The following RSF1 variants were observed in gnomAD, a reference collection of about 807,000 sequenced individuals.
RSF1 encodes the protein remodeling and spacing factor 1.
Under a neutral mutation model 145.2 loss-of-function variants are expected in RSF1, and 13 were observed. That is an observed-to-expected ratio of 0.09 (90% CI 0.06 to 0.14). The LOEUF (loss-of-function observed/expected upper bound fraction) is 0.14, where lower values mean the gene tolerates loss of function less well. Among genes scored for constraint, RSF1 ranks in the 10% least tolerant of loss-of-function variants. The pLI is 1.00. For synonymous variants in RSF1, 577 were observed against 592.6 expected (o/e 0.97, Z 0.38); for missense variants, 1,517 against 1,718.2 (o/e 0.88, Z 2.07).
intron 2 of RSF1, among the ~76,000 whole-genome samples, chr11:77,752,756 A>T (rs1294356200): frequency 2.0e-5 from 3 of 152,144 alleles, no homozygotes; most frequent in Non-Finnish European, 4.4e-5. Flanking sequence ...GTAACATAAG[A>T]CTGAGACCTA....
At chr11:77,861,040 G>A in the RSF1 span, among the ~76,000 whole-genome samples, 4 of 152,074 alleles carry the variant, frequency 2.6e-5, no homozygotes, top group Non-Finnish European at 4.4e-5. Context: ...GGGTCTAAGC[G>A]GGTATTGCCT....
chr11:77,727,464 C>T (rs866788182), intron 4 of RSF1, among the ~76,000 whole-genome samples: 1 of 142,116 alleles, frequency 7.0e-6, no homozygotes, highest in South Asian at 2.1e-4. Flanking sequence ...ATTTCAATTA[C>T]TTCCACTACT....
intron 5 of RSF1, among the ~76,000 whole-genome samples, chr11:77,720,176 G>C (rs898269886): frequency 1.4e-4 from 22 of 152,130 alleles, no homozygotes; most frequent in African/African-American, 5.3e-4. Context: ...GCCAAATTAG[G>C]TCTGTGAGCT....
chr11:77,687,438 A>G (rs373382165), intron 9 of RSF1, among the ~76,000 whole-genome samples: 2 of 151,984 alleles, frequency 1.3e-5, no homozygotes, highest in Non-Finnish European at 2.9e-5. Flanking sequence ...GTAAACCCAT[A>G]ATTTTGGGAG....
the RSF1 span, among the ~76,000 whole-genome samples, chr11:77,857,862 A>G: frequency 6.6e-6 from 1 of 151,834 alleles, no homozygotes; most frequent in Non-Finnish European, 1.5e-5. Context: ...ATGCCCTGCT[A>G]ATTTTTGTAT....
chr11:77,814,303 G>A (rs1304032966), intron 1 of RSF1, among the ~76,000 whole-genome samples: 1 of 151,980 alleles, frequency 6.6e-6, no homozygotes, highest in Non-Finnish European at 1.5e-5. Flanking sequence ...TTCAAGACCA[G>A]CCTGGACAAT....
chr11:77,777,826 C>A (rs1352430149), intron 1 of RSF1, among the ~76,000 whole-genome samples: 1 of 151,560 alleles, frequency 6.6e-6, no homozygotes, highest in East Asian at 2.0e-4. Context: ...CTCAAACAAA[C>A]AAACAAATGA....
At chr11:77,870,162 C>T in the RSF1 span, 1 of 151,698 alleles carries the variant, frequency 6.6e-6, no homozygotes. Context: ...GTTTTCCCCT[C>T]TTCAGAAAAA....
Position 77,681,583 on chromosome 11 carries a change from T to G in RSF1, c.3065+2127A>C, listed in dbSNP as rs1959863604. Among the ~76,000 whole-genome samples the G allele has an allele frequency of 2.0e-5, 3 of 152,176 alleles. 1 individual carries two copies. The highest frequency in any genetic ancestry group is 2.0e-4 in the Admixed American group (3 of 15,268). On this transcript the variant is annotated intron_variant, in intron 11 of 15. Coordinates refer to ENST00000308488, the MANE Select transcript of RSF1 (RefSeq NM_016578.4). ...GTGTAAGCCACCATGCCCAGCCAATTTATGTGCAATTTCATTTGTGAGAAA... is the reference window on the plus strand; with the variant it reads ...GTGTAAGCCACCATGCCCAGCCAATGTATGTGCAATTTCATTTGTGAGAAA...
chr11:77,737,621 G>GGGTGTGTGTGTGTGTGTGTGTGTGTGT (rs1491534916), intron 4 of RSF1, among the ~76,000 whole-genome samples: 1 of 93,548 alleles, frequency 1.1e-5, no homozygotes, highest in Admixed American at 1.2e-4. Context: ...TGTTTTGGGG[G>GGGTGTGTGTGTGTGTGTGTGTGTGTGT]GTGTGTGTGT....
In RSF1 at chr11:77,664,936, A is replaced by G. The variant is rs1959324391; in HGVS notation, c.*1981T>C. 1 of 152,204 alleles carries G rather than the reference A, an allele frequency of 6.6e-6. No homozygotes were observed. Among genetic ancestry groups the G allele is most frequent in the Non-Finnish European group, 1.5e-5 (1 of 68,038 alleles). 9.4% of individuals were successfully genotyped at this position (152,204 alleles called of 1,614,324 possible). ...AAAATCACAACTTACTTGGAACCACATGCTATTGGTGCATCCTATTTTTAG... is the reference window on the plus strand; with the variant it reads ...AAAATCACAACTTACTTGGAACCACGTGCTATTGGTGCATCCTATTTTTAG... On this transcript the variant is annotated 3_prime_UTR_variant, in exon 16 of 16. Transcript: ENST00000308488.
chr11:77,696,605 C>G (rs958511141), intron 7 of RSF1, among the ~76,000 whole-genome samples: 12 of 152,306 alleles, frequency 7.9e-5, no homozygotes, highest in African/African-American at 2.9e-4. Flanking sequence ...ATTACAGCAG[C>G]CATTGCTGCC....
intron 1 of RSF1, among the ~76,000 whole-genome samples, chr11:77,783,594 C>T (rs1169437644): frequency 1.3e-5 from 2 of 152,102 alleles, no homozygotes; most frequent in East Asian, 1.9e-4. Flanking sequence ...GTAATCCCAG[C>T]GCTTTAGGAG....
In RSF1 at chr11:77,685,119, T is replaced by C; in HGVS notation, c.2941A>G (p.Ile981Val). ...CAGAAACTTACTTGTGGAGGAATGA[T>C]GTTTTCAATACTGATACCAACATAC... ...LVYVGISIEN[I>V]IPPQEPDFSE... The change falls in exon 10 of 16, where the codon ATC becomes GTC. Residue 981 changes from isoleucine (I) to valine (V), a missense_variant. Ile to Val is a conservative substitution (Grantham distance 29, BLOSUM62 3). Coordinates refer to ENST00000308488, the MANE Select transcript of RSF1 (RefSeq NM_016578.4). 6.5e-7 allele frequency: 1 copy of C among 1,548,048 alleles called. No homozygotes were observed.
At chr11:77,799,504 CAAA>C (rs34602419) in intron 1 of RSF1, among the ~76,000 whole-genome samples, 8 of 82,244 alleles carry the variant, frequency 9.7e-5, no homozygotes, top group Admixed American at 4.7e-4. Flanking sequence ...ACCCTGTCTC[CAAA>C]AAAAAAAAAA....
At chr11:77,693,184 G>A (rs1960199549) in intron 8 of RSF1, among the ~76,000 whole-genome samples, 3 of 152,090 alleles carry the variant, frequency 2.0e-5, no homozygotes. Flanking sequence ...CCAAAAAAGA[G>A]GATGAAACAA....
intron 1 of RSF1, among the ~76,000 whole-genome samples, chr11:77,790,873 T>C (rs554592314): frequency 6.6e-6 from 1 of 152,198 alleles, no homozygotes; most frequent in Non-Finnish European, 1.5e-5. Flanking sequence ...TTGGAGGGTA[T>C]AGCCTCCTCC....
chr11:77,800,988 G>A (rs535506883), intron 1 of RSF1, among the ~76,000 whole-genome samples: 1 of 151,618 alleles, frequency 6.6e-6, no homozygotes, highest in African/African-American at 2.4e-5. Flanking sequence ...CTGGGTAACA[G>A]AGCCAGGCCT....
chr11:77,754,919 A>C (rs556416281), intron 2 of RSF1, among the ~76,000 whole-genome samples: 1 of 152,058 alleles, frequency 6.6e-6, no homozygotes, highest in Non-Finnish European at 1.5e-5. Flanking sequence ...CAGTGATCCA[A>C]GATCTTGCCA....
Sources: gnomAD v4.1 joint callset for allele counts (sites outside exome capture counted in the v4.1 genomes callset) on GRCh38, gnomAD v4.1.1 for gene constraint, MANE v1.5 for transcripts, NCBI Gene and HGNC (gene_info 2026-07-23, HGNC 2026-07-21) for gene names.